UGT1A1: variants seen among roughly 807,000 people sequenced by gnomAD.
UGT1A1 encodes UDP glucuronosyltransferase family 1 member A1, also known as UDP-glucuronosyltransferase 1A1.
A neutral mutation model predicts 40.6 loss-of-function variants in UGT1A1; 33 were observed. The ratio of observed to expected loss-of-function variants is 0.81; its 90% CI spans 0.62 to 1.09. The LOEUF (loss-of-function observed/expected upper bound fraction) is 1.09. Among genes scored for constraint, UGT1A1 ranks in the 50% least tolerant of loss-of-function variants. The probability of loss-of-function intolerance (pLI) is 0.00; values close to 1 mark genes in which losing one functional copy is unlikely to be tolerated. For missense variants in UGT1A1, 694 were observed against 671.2 expected (o/e 1.03, Z -0.38); for synonymous variants, 249 against 265.0 (o/e 0.94, Z 0.59).
intron 4 of UGT1A1, 114 bp downstream of exon 4, chr2:233,768,553 AT>A (rs1280927222): frequency 2.3e-5 from 34 of 1,477,264 alleles, no homozygotes; most frequent in Non-Finnish European, 2.9e-5. Context: ...ATAAAAACAA[AT>A]ACATAAAAAT....
intron 1 of UGT1A1, among the ~76,000 whole-genome samples, chr2:233,761,605 A>G (rs1697811953): frequency 6.6e-6 from 1 of 152,260 alleles, no homozygotes; most frequent in South Asian, 2.1e-4. Context: ...TCCAGTTTCT[A>G]AATATTCTGA....
rs779826535 is a variant in UGT1A1 at position 233,768,441 on chromosome 2, TAAGA to T, written c.1304+8_1304+11del. ...AAAAGCAGTCATCAATGACAAAAGGTAAGAAAGAAGATACAGAAGAATACTTTGG... is the reference window on the plus strand; with the variant it reads ...AAAAGCAGTCATCAATGACAAAAGGTAAGAAGATACAGAAGAATACTTTGG... On this transcript the variant is annotated splice_donor_5th_base_variant and intron_variant, in intron 4 of 4. Coordinates refer to ENST00000305208, the MANE Select transcript of UGT1A1 (RefSeq NM_000463.3). 2 of 1,613,308 alleles carry T rather than the reference TAAGA, an allele frequency of 1.2e-6. No individual in the cohort carries two copies. Among genetic ancestry groups the T allele is most frequent in the Non-Finnish European group, 1.7e-6 (2 of 1,179,602 alleles).
rs1042595424 is a variant in UGT1A1 at position 233,772,592 on chromosome 2, C to T, written c.*33C>T. On this transcript the variant is annotated 3_prime_UTR_variant, in exon 5 of 5. Transcript: ENST00000305208. ...GTGGGAAATAAGGTAAAATTTTGAA[C>T]CATTCCCTAGTCATTTCCAAACTTG... The T allele has an allele frequency of 7.5e-6, 12 of 1,599,668 alleles. No homozygotes were observed. The highest frequency in any genetic ancestry group is 1.3e-5 in the African/African-American group (1 of 74,558).
chr2:233,767,249 T>C, intron 2 of UGT1A1, 84 bp downstream of exon 2: 1 of 1,600,756 alleles, frequency 6.2e-7, no homozygotes, highest in Non-Finnish European at 8.5e-7. Context: ...TTAATTCTCT[T>C]AATTGGAACC....
intron 2 of UGT1A1, 73 bp from the exon 3 acceptor site, chr2:233,767,776 G>A: frequency 1.2e-6 from 2 of 1,612,490 alleles, no homozygotes; most frequent in Admixed American, 1.7e-5. Context: ...CTGTTTTCTA[G>A]TTAGTATAGC....
At chr2:233,761,893 A>G (rs1304507847) in intron 1 of UGT1A1, among the ~76,000 whole-genome samples, 1 of 152,212 alleles carries the variant, frequency 6.6e-6, no homozygotes, top group African/African-American at 2.4e-5. Context: ...CTTATCCTGC[A>G]AAGATTGGCT....
chr2:233,772,238 T>C (rs765306920), intron 4 of UGT1A1, 24 bp from the exon 5 acceptor site: 1 of 1,613,980 alleles, frequency 6.2e-7, no homozygotes, highest in African/African-American at 1.3e-5. Context: ...GTTCCAGGCA[T>C]AACGAAACTG....
chr2:233,768,582 C>CTTTT (rs139595073), intron 4 of UGT1A1, 143 bp downstream of exon 4: 40 of 1,033,114 alleles, frequency 3.9e-5, no homozygotes, highest in African/African-American at 2.8e-4. Context: ...TTTATTTCTT[C>CTTTT]TTTTTTTTTT....
chr2:233,765,887 T>G (rs1279202147), intron 1 of UGT1A1, among the ~76,000 whole-genome samples: 1 of 152,030 alleles, frequency 6.6e-6, no homozygotes, highest in African/African-American at 2.4e-5. Flanking sequence ...ACTTTCTCAG[T>G]GCGCCACTGC....
At chr2:233,770,756 T>C (rs1700148288) in intron 4 of UGT1A1, 1 of 152,202 alleles carries the variant, frequency 6.6e-6, no homozygotes, top group Non-Finnish European at 1.5e-5. Context: ...AGTACTAATA[T>C]TACATTATAA....
At position 233,772,521 on chromosome 2, in the gene UGT1A1, G is replaced by A. The variant is rs746578451; in HGVS notation, c.1564G>A (p.Gly522Arg). 24 of 1,614,040 alleles carry A rather than the reference G, an allele frequency of 1.5e-5. No individual in the cohort carries two copies. The highest frequency in any genetic ancestry group is 1.7e-6 in the Non-Finnish European group (2 of 1,180,036). ...CTACCGGAAATGCTTGGGGAAAAAA[G>A]GGCGAGTTAAGAAAGCCCACAAATC... ...YGYRKCLGKK[G>R]RVKKAHKSKT... The change falls in exon 5 of 5, where the codon GGG becomes AGG. Residue 522 changes from glycine (G) to arginine (R), a missense_variant. Coordinates refer to ENST00000305208, the MANE Select transcript of UGT1A1 (RefSeq NM_000463.3).
chr2:233,772,588 T>C lies in UGT1A1; in HGVS notation c.*29T>C, dbSNP rs945548426. The stretch of plus-strand genomic sequence containing the variant: ...GTGGGTGGGAAATAAGGTAAAATTT[T>C]GAACCATTCCCTAGTCATTTCCAAA... On this transcript the variant is annotated 3_prime_UTR_variant, in exon 5 of 5. Transcript: ENST00000305208. The C allele has an allele frequency of 1.1e-5, 18 of 1,603,922 alleles. No individual in the cohort carries two copies. In the African/African-American group the frequency reaches 1.7e-4, roughly 16 times the overall value.
At chr2:233,766,486 C>T (rs562758025) in intron 1 of UGT1A1, among the ~76,000 whole-genome samples, 29 of 152,240 alleles carry the variant, frequency 1.9e-4, no homozygotes, top group African/African-American at 6.5e-4. Flanking sequence ...ATGATGGGGG[C>T]GTGGCAGGCC....
chr2:233,767,743 A>G (rs543873419), intron 2 of UGT1A1, 106 bp from the exon 3 acceptor site: 2 of 1,585,594 alleles, frequency 1.3e-6, no homozygotes, highest in South Asian at 2.3e-5. Flanking sequence ...CACTCTGTTA[A>G]AGACTGTTCC....
At position 233,769,612 on chromosome 2, in the gene UGT1A1, G is replaced by A. The variant is rs1699905681; in HGVS notation, c.1304+1173G>A. ...GGAGACGGAACACGGGGACACACCA[G>A]CTTGAGCAAGGGACAACAGGGGAGG... On this transcript the variant is annotated intron_variant, in intron 4 of 4. Transcript: ENST00000305208. This position sits in a 1 kb window ranked among gnomAD's most constrained non-coding sequence, Gnocchi z 4.4. 1 of 1,612,734 alleles carries A rather than the reference G, an allele frequency of 6.2e-7. No homozygotes were observed. The highest frequency in any genetic ancestry group is 8.5e-7 in the Non-Finnish European group (1 of 1,179,852).
intron 1 of UGT1A1, among the ~76,000 whole-genome samples, chr2:233,765,977 C>T (rs1699015249): frequency 6.6e-6 from 1 of 152,154 alleles, no homozygotes; most frequent in Non-Finnish European, 1.5e-5. Context: ...TGGATGTTTA[C>T]AGCTCCTGAA....
In UGT1A1 at chr2:233,760,467, A is replaced by G. The variant is rs1444464587; in HGVS notation, c.180A>G (p.Leu60=). Residue 60 remains leucine (L), a synonymous_variant, in exon 1 of 5, where the codon CTA becomes CTG. Coordinates refer to ENST00000305208, the MANE Select transcript of UGT1A1 (RefSeq NM_000463.3). ...AGAGGGGACATGAAATAGTTGTCCT[A>G]GCACCTGACGCCTCGTTGTACATCA... ...LQQRGHEIVV[L]APDASLYIRD... 1 of 1,614,232 alleles carries G rather than the reference A, an allele frequency of 6.2e-7. No individual in the cohort carries two copies. The highest frequency in any genetic ancestry group is 1.1e-5 in the South Asian group (1 of 91,086).
At position 233,769,732 on chromosome 2, in the gene UGT1A1, G is replaced by A; in HGVS notation, c.1304+1293G>A. The A allele has an allele frequency of 2.7e-6, 4 of 1,465,694 alleles. No homozygotes were observed. Among genetic ancestry groups the A allele is most frequent in the South Asian group, 2.9e-5 (2 of 70,094 alleles). 90.8% of individuals were successfully genotyped at this position (1,465,694 alleles called of 1,614,324 possible). ...TGGCTAGGCACCATGGCACACGCCT[G>A]TAGTCCCAGCCACTCTGGAGGCTAA... On this transcript the variant is annotated intron_variant, in intron 4 of 4. Coordinates refer to ENST00000305208, the MANE Select transcript of UGT1A1 (RefSeq NM_000463.3). This position sits in a 1 kb window ranked among gnomAD's most constrained non-coding sequence, Gnocchi z 4.4.
At chr2:233,772,033 A>T (rs33979061) in intron 4 of UGT1A1, among the ~76,000 whole-genome samples, 1 of 152,088 alleles carries the variant, frequency 6.6e-6, no homozygotes, top group Non-Finnish European at 1.5e-5. Flanking sequence ...GGATGGCTTG[A>T]GCCCAGGAGT....
Sources: gnomAD v4.1 joint callset for allele counts (sites outside exome capture counted in the v4.1 genomes callset) on GRCh38, gnomAD v4.1.1 for gene constraint, Gnocchi (gnomAD v3.1) non-coding constraint, MANE v1.5 for transcripts, NCBI Gene and HGNC (gene_info 2026-07-23, HGNC 2026-07-21) for gene names.